The following TNS3 variants were observed in gnomAD, a reference collection of about 807,000 sequenced individuals.
TNS3 encodes tensin-3.
In TNS3, 45 loss-of-function variants were observed where a neutral mutation model predicts 140.9. That is an observed-to-expected ratio of 0.32 (90% confidence interval 0.25 to 0.41). The LOEUF is 0.41. TNS3 is among the 10% of genes least tolerant of loss of function. The pLI is 1.00. For missense variants in TNS3, 1,716 were observed against 1,906.7 expected, an observed-to-expected ratio of 0.90 and a Z score of 1.86; for synonymous variants, 815 against 788.4, an observed-to-expected ratio of 1.03 and a Z score of -0.56.
intron 2 of TNS3, among the ~76,000 whole-genome samples, chr7:47,519,816 C>CTTTT (rs34418629): frequency 0.017 from 1,247 of 74,800 alleles, 58 homozygotes; most frequent in Middle Eastern, 0.071. Context: ...CCTCACATTT[C>CTTTT]TTTTTTTTTT....
At chr7:47,292,198 T>A (rs1323125371) in intron 26 of TNS3, among the ~76,000 whole-genome samples, 166 bp from the exon 27 acceptor site, 1 of 152,336 alleles carries the variant, frequency 6.6e-6, no homozygotes, top group African/African-American at 2.4e-5. Flanking sequence ...ATAGAAACCA[T>A]GATCACATTC....
Position 47,344,829 on chromosome 7 carries a change from G to T in TNS3, c.2576C>A (p.Ala859Glu). 1 of 1,613,786 alleles carries T rather than the reference G, an allele frequency of 6.2e-7. No individual in the cohort carries two copies. Among genetic ancestry groups the T allele is most frequent in the Non-Finnish European group, 8.5e-7 (1 of 1,179,948 alleles). The change falls in exon 20 of 31, where the codon GCG becomes GAG. Residue 859 changes from alanine (A) to glutamate (E), a missense_variant. Ala to Glu is a moderately radical substitution (Grantham distance 107). Coordinates refer to ENST00000311160, the MANE Select transcript of TNS3 (RefSeq NM_022748.12). ...VSPETPYVKT[A>E]LRHPPFSPPE... Reference sequence around the variant, plus strand: ...TGGGCTGAACGGAGGATGGCGCAGCGCTGTTTTCACTGGAAAAGAAAGCAG... The same window carrying T: ...TGGGCTGAACGGAGGATGGCGCAGCTCTGTTTTCACTGGAAAAGAAAGCAG...
chr7:47,369,462 T>G lies in TNS3; in HGVS notation c.1184A>C (p.His395Pro), dbSNP rs1584500173. ...ATCCGTCCTGGCAGAGGCTGTAGAG[T>G]GGCCGGAGTCACTGCTGACAGACAA... ...HTLSVSSDSG[H>P]STASARTDKT... is the part of the protein sequence containing the mutation. Residue 395 changes from histidine (H) to proline (P), a missense_variant, in exon 17 of 31, where the codon CAC becomes CCC. Coordinates refer to ENST00000311160, the MANE Select transcript of TNS3 (RefSeq NM_022748.12). 1 of 1,614,050 alleles carries G rather than the reference T, an allele frequency of 6.2e-7. No individual in the cohort carries two copies. Among genetic ancestry groups the G allele is most frequent in the Non-Finnish European group, 8.5e-7 (1 of 1,180,006 alleles).
intron 13 of TNS3, among the ~76,000 whole-genome samples, chr7:47,406,428 C>T (rs1446117032): frequency 1.3e-5 from 2 of 152,194 alleles, no homozygotes; most frequent in African/African-American, 4.8e-5. Context: ...GTGAACTTGA[C>T]CACTGTGATC....
At chr7:47,385,897 T>C (rs548940677) in intron 16 of TNS3, among the ~76,000 whole-genome samples, 1 of 152,228 alleles carries the variant, frequency 6.6e-6, no homozygotes, top group Non-Finnish European at 1.5e-5. Flanking sequence ...TGTTGAGATC[T>C]TGGCAGAATT....
intron 16 of TNS3, among the ~76,000 whole-genome samples, chr7:47,378,099 G>C (rs569479407): frequency 6.6e-6 from 1 of 152,260 alleles, no homozygotes; most frequent in African/African-American, 2.4e-5. Context: ...GGTGTTTGCT[G>C]ATATCAGCTC....
At chr7:47,335,892 T>C (rs931463793) in intron 20 of TNS3, among the ~76,000 whole-genome samples, 3 of 152,072 alleles carry the variant, frequency 2.0e-5, no homozygotes, top group African/African-American at 7.2e-5. Flanking sequence ...AGAGCCACTA[T>C]ATGTGTGCAT....
At position 47,574,032 on chromosome 7, in the gene TNS3, G is replaced by A. The variant is rs116315479; in HGVS notation, c.-265+8019C>T. 3.5e-3 allele frequency among the ~76,000 whole-genome samples: 526 copies of A among 152,244 alleles called. 2 individuals carry two copies. The highest frequency in any genetic ancestry group is 0.012 in the African/African-American group (492 of 41,538). ...ACTCCAACTGCCCAGGGCCTGCATC[G>A]ACGTTTTAACAGAGCCAAACCAGAG... On this transcript the variant is annotated intron_variant, in intron 1 of 30. Coordinates refer to ENST00000311160, the MANE Select transcript of TNS3 (RefSeq NM_022748.12).
intron 17 of TNS3, among the ~76,000 whole-genome samples, chr7:47,347,124 T>C (rs141896226): frequency 5.3e-4 from 81 of 152,364 alleles, no homozygotes; most frequent in Admixed American, 9.8e-4. Context: ...ATAGTCTGAA[T>C]ATGCAAACCC....
In TNS3 at chr7:47,344,933, T is replaced by C; in HGVS notation, c.2557A>G (p.Thr853Ala). ...STPAFPVSPE[T>A]PYVKTALRHP... The stretch of plus-strand genomic sequence containing the variant: ...GTTACTTCATTCTTACCATACGGTG[T>C]CTCTGGAGACACAGGAAATGCTGGA... Residue 853 changes from threonine to alanine, a missense_variant, in exon 19 of 31, where the codon ACA (threonine) becomes GCA (alanine). Transcript: ENST00000311160. 6.2e-7 allele frequency: 1 copy of C among 1,614,172 alleles called. No individual in the cohort carries two copies. The highest frequency in any genetic ancestry group is 8.5e-7 in the Non-Finnish European group (1 of 1,180,014).
intron 28 of TNS3, among the ~76,000 whole-genome samples, chr7:47,281,894 C>T (rs1785162554): frequency 6.6e-6 from 1 of 151,666 alleles, no homozygotes; most frequent in South Asian, 2.1e-4. Context: ...TGCCTCCAGA[C>T]CCTGAGTCCA....
intron 17 of TNS3, among the ~76,000 whole-genome samples, chr7:47,364,468 G>C (rs568756676): frequency 5.3e-5 from 8 of 152,198 alleles, no homozygotes; most frequent in Non-Finnish European, 1.2e-4. Flanking sequence ...ACTTTGTAGA[G>C]ACAGGGTTTT....
chr7:47,507,538 T>C (rs897529825), intron 2 of TNS3, among the ~76,000 whole-genome samples: 5 of 152,180 alleles, frequency 3.3e-5, no homozygotes, highest in Non-Finnish European at 2.9e-5. Flanking sequence ...TAAATTCCTA[T>C]AGGAGAATCC....
chr7:47,332,321 C>G (rs1035906575), intron 20 of TNS3, among the ~76,000 whole-genome samples: 5 of 152,230 alleles, frequency 3.3e-5, no homozygotes, highest in African/African-American at 1.2e-4. Context: ...TAAATGCTTC[C>G]AGCAGGGAAA....
intron 10 of TNS3, among the ~76,000 whole-genome samples, chr7:47,422,119 C>T (rs1300090603): frequency 6.6e-6 from 1 of 152,116 alleles, no homozygotes; most frequent in Non-Finnish European, 1.5e-5. Flanking sequence ...TGCTCGATTA[C>T]CATTTGGTGA....
chr7:47,554,286 C>T (rs1248351543), intron 1 of TNS3, among the ~76,000 whole-genome samples: 3 of 150,412 alleles, frequency 2.0e-5, no homozygotes, highest in Non-Finnish European at 4.4e-5. Context: ...GGCATGGTGG[C>T]GGGTGCCTGT....
In TNS3 at chr7:47,309,927, G is replaced by A. The variant is rs77011048; in HGVS notation, c.2651-4924C>T. On this transcript the variant is annotated intron_variant, in intron 20 of 30. Transcript: ENST00000311160. ...ACAATAGTTTGAACCCATTCAGATC[G>A]CCCAAGGCAGCCAGGGCTTACTGGG... Among the ~76,000 whole-genome samples, 199 of 152,282 alleles carry A rather than the reference G, an allele frequency of 1.3e-3. 1 individual carries two copies. The highest frequency in any genetic ancestry group is 4.4e-3 in the African/African-American group (181 of 41,564).
rs548681858 is a variant in TNS3, at chr7:47,391,017, A to T, written c.1024+5783T>A. Among the ~76,000 whole-genome samples the T allele has an allele frequency of 4.6e-5, 7 of 152,298 alleles. No homozygotes were observed. In the South Asian group the frequency reaches 1.5e-3, roughly 32 times the overall value. ...CCAGCAAAGAAGCCAGGCTCAGGAA[A>T]GGAAGCTGACATTCCCCCGATCTCA... is the stretch of plus-strand genomic sequence containing the variant. On this transcript the variant is annotated intron_variant, in intron 16 of 30. Coordinates refer to ENST00000311160, the MANE Select transcript of TNS3 (RefSeq NM_022748.12).
chr7:47,400,414 C>T lies in TNS3; in HGVS notation c.898G>A (p.Ala300Thr). The T allele has an allele frequency of 6.2e-7, 1 of 1,614,138 alleles. No homozygotes were observed. ...DYGKVELVFS[A>T]TPEKIQGSEH... ...CCACCTTGAATCTTCTCAGGCGTGG[C>T]AGAGAAGACTAATTCAACCTTCCCA... is the stretch of plus-strand genomic sequence containing the variant. Residue 300 changes from alanine (A) to threonine (T), a missense_variant, in exon 15 of 31, where the codon GCC (alanine) becomes ACC (threonine). Physicochemically the swap from Ala to Thr is moderately conservative, Grantham distance 58 (BLOSUM62 0). Transcript: ENST00000311160.
Sources: allele counts gnomAD v4.1 joint callset (sites outside exome capture counted in the v4.1 genomes callset), GRCh38; gene constraint gnomAD v4.1.1; transcripts MANE v1.5; gene names NCBI Gene and HGNC (gene_info 2026-07-23, HGNC 2026-07-21).